Variants in APP observed in about 807,000 individuals in gnomAD.
The protein encoded by APP is amyloid-beta precursor protein.
In APP, 31 loss-of-function variants were observed where a neutral mutation model predicts 101.4. The observed-to-expected ratio is 0.31, with a 90% confidence interval of 0.23 to 0.41. The LOEUF (loss-of-function observed/expected upper bound fraction) is 0.41. Among genes scored for constraint, APP ranks in the 10% least tolerant of loss-of-function variants. The pLI, the probability that APP is intolerant of heterozygous loss-of-function variation, is 1.00. For synonymous variants in APP, 366 were observed against 364.4 expected (o/e 1.00, Z -0.05); for missense variants, 839 against 1,003.7 (o/e 0.84, Z 2.22).
chr21:25,896,442 A>C lies in APP; in HGVS notation c.2064+1131T>G, dbSNP rs193183898. Reference sequence around the variant, plus strand: ...CTCACACACACACACACACAAAACAAAACAAAAGAAGTGCCTGAGATAACT... The same window carrying C: ...CTCACACACACACACACACAAAACACAACAAAAGAAGTGCCTGAGATAACT... On this transcript the variant is annotated intron_variant, in intron 16 of 17. Coordinates refer to ENST00000346798, the MANE Select transcript of APP (RefSeq NM_000484.4). Among the ~76,000 whole-genome samples the C allele has an allele frequency of 7.9e-4, 120 of 152,102 alleles. 4 individuals are homozygous for C. The highest frequency in any genetic ancestry group is 7.8e-3 in the Admixed American group (120 of 15,292).
chr21:26,076,428 G>T (rs1422567982), intron 3 of APP, among the ~76,000 whole-genome samples: 5 of 152,062 alleles, frequency 3.3e-5, no homozygotes, highest in Non-Finnish European at 5.9e-5. Context: ...GACTATTCAG[G>T]GAACATGAGT....
At chr21:26,053,371 C>A (rs1410238160) in intron 3 of APP, 23 bp from the exon 4 acceptor site, 1 of 1,456,362 alleles carries the variant, frequency 6.9e-7, no homozygotes, top group Admixed American at 1.7e-5. Flanking sequence ...AAAACCACTT[C>A]CCGTCATTCC....
At chr21:25,895,039 GAA>G (rs1368865710) in intron 16 of APP, among the ~76,000 whole-genome samples, 2 of 151,644 alleles carry the variant, frequency 1.3e-5, no homozygotes, top group Non-Finnish European at 2.9e-5. Flanking sequence ...AGGACTTGCT[GAA>G]GACTCAGATG....
At chr21:25,990,345 G>A (rs2042811348) in intron 8 of APP, among the ~76,000 whole-genome samples, 1 of 152,140 alleles carries the variant, frequency 6.6e-6, no homozygotes, top group Non-Finnish European at 1.5e-5. Flanking sequence ...ACGAATGCTG[G>A]CATTATTTTT....
intron 14 of APP, among the ~76,000 whole-genome samples, chr21:25,909,187 T>C (rs1486832266): frequency 1.4e-5 from 2 of 140,988 alleles, no homozygotes; most frequent in East Asian, 4.2e-4. Context: ...GGCATGAACC[T>C]GGGAGGCAGA....
chr21:25,969,905 A>AGAGGGGAGGGAGGGGAGGGTAAGGGAGGG, intron 11 of APP, among the ~76,000 whole-genome samples: 1 of 79,442 alleles, frequency 1.3e-5, no homozygotes, highest in Non-Finnish European at 2.3e-5. Flanking sequence ...AGAGAAGAGA[A>AGAGGGGAGGGAGGGGAGGGTAAGGGAGGG]GAGGGGAGGG....
chr21:25,985,641 G>A (rs73163728), intron 8 of APP, among the ~76,000 whole-genome samples: 1 of 152,220 alleles, frequency 6.6e-6, no homozygotes, highest in Non-Finnish European at 1.5e-5. Context: ...CATAATTGTT[G>A]TGTGAGTCAA....
intron 2 of APP, among the ~76,000 whole-genome samples, chr21:26,109,812 A>G (rs953116682): frequency 6.6e-5 from 10 of 152,210 alleles, no homozygotes; most frequent in African/African-American, 2.4e-4. Context: ...GCAAACTATG[A>G]CACATGTATC....
At chr21:26,164,770 C>T (rs529631209) in intron 1 of APP, among the ~76,000 whole-genome samples, 32 of 151,118 alleles carry the variant, frequency 2.1e-4, no homozygotes, top group African/African-American at 7.0e-4. Flanking sequence ...GCAGGAGAAT[C>T]GCTTGAACCC....
Position 25,897,536 on chromosome 21 carries a change from CAA to C in APP, c.2064+35_2064+36del, listed in dbSNP as rs760635626. 6.0e-6 allele frequency: 9 copies of C among 1,492,138 alleles called. No homozygotes were observed. In the South Asian group the frequency reaches 1.0e-4, roughly 17 times the overall value. 92.4% of individuals were successfully genotyped at this position (1,492,138 alleles called of 1,614,324 possible). On this transcript the variant is annotated intron_variant, in intron 16 of 17. Coordinates refer to ENST00000346798, the MANE Select transcript of APP (RefSeq NM_000484.4). ...AGAGTTAATAGGTCATTTGGCAAGA[CAA>C]ACAGTAGTGGAAAGAGGTAAATTAT...
chr21:26,005,392 C>T (rs895369331), intron 6 of APP, among the ~76,000 whole-genome samples: 1 of 151,856 alleles, frequency 6.6e-6, no homozygotes, highest in Non-Finnish European at 1.5e-5. Flanking sequence ...CCAGCCTGGG[C>T]GACAGAGTGA....
At chr21:25,889,551 C>T (rs564427402) in intron 17 of APP, among the ~76,000 whole-genome samples, 2 of 152,262 alleles carry the variant, frequency 1.3e-5, no homozygotes, top group East Asian at 1.9e-4. Flanking sequence ...CTAAAAAGTG[C>T]TCTTGAAGGC....
rs3737413 is a variant in APP at position 25,976,059 on chromosome 21, A to G, written c.1225-31T>C. 341,788 of 1,555,134 alleles carry G rather than the reference A, an allele frequency of 0.22. 41,446 individuals are homozygous for G. Among genetic ancestry groups the G allele is most frequent in the East Asian group, 0.41 (18,474 of 44,524 alleles). Reference sequence around the variant, plus strand: ...AATTAAGGAAACATTTGAATTTAAAATCATCAGTTCATCCTTTGAATACAG... The same window carrying G: ...AATTAAGGAAACATTTGAATTTAAAGTCATCAGTTCATCCTTTGAATACAG... On this transcript the variant is annotated intron_variant, in intron 9 of 17. Coordinates refer to ENST00000346798, the MANE Select transcript of APP (RefSeq NM_000484.4).
At chr21:26,147,798 A>C (rs1288027070) in intron 1 of APP, among the ~76,000 whole-genome samples, 1 of 149,760 alleles carries the variant, frequency 6.7e-6, no homozygotes, top group East Asian at 2.0e-4. Flanking sequence ...ACACCGGGCT[A>C]ATCAGAACAT....
At chr21:26,050,955 A>T in intron 5 of APP, 45 bp downstream of exon 5, 1 of 1,594,668 alleles carries the variant, frequency 6.3e-7, no homozygotes, top group Middle Eastern at 1.8e-4. Flanking sequence ...TACTCCATAC[A>T]AGATGTTTCA....
At chr21:26,001,536 G>T (rs942776047) in intron 6 of APP, among the ~76,000 whole-genome samples, 2 of 152,110 alleles carry the variant, frequency 1.3e-5, no homozygotes, top group African/African-American at 4.8e-5. Context: ...TATGAGACAG[G>T]GTCTTGCACT....
intron 1 of APP, among the ~76,000 whole-genome samples, chr21:26,127,298 C>G (rs2062704893): frequency 6.6e-6 from 1 of 152,082 alleles, no homozygotes; most frequent in African/African-American, 2.4e-5. Context: ...GCAAGCCAGT[C>G]AGAATCTCTC....
chr21:25,938,090 C>G (rs1327210306), intron 13 of APP, among the ~76,000 whole-genome samples: 3 of 152,074 alleles, frequency 2.0e-5, no homozygotes, highest in African/African-American at 7.2e-5. Context: ...ACTGTTTATT[C>G]CCTTTAGATA....
rs2045921475 is a variant in APP at position 26,053,533 on chromosome 21, G to C, written c.356-185C>G. 1.9e-5 allele frequency: 10 copies of C among 530,642 alleles called. No individual in the cohort carries two copies. In the South Asian group the frequency reaches 2.3e-4, roughly 12 times the overall value. 32.9% of individuals were successfully genotyped at this position (530,642 alleles called of 1,614,324 possible). A position where few individuals can be genotyped will look rare whatever the true frequency, so the allele number is the denominator to read the frequency against. Reference sequence around the variant, plus strand: ...GCCTCCTTAAGCAACTCCGTTTCTTGCCACTTCAAGTTTGATGGTTAAAAT... The same window carrying C: ...GCCTCCTTAAGCAACTCCGTTTCTTCCCACTTCAAGTTTGATGGTTAAAAT... On this transcript the variant is annotated intron_variant, in intron 3 of 17. Coordinates refer to ENST00000346798, the MANE Select transcript of APP (RefSeq NM_000484.4).
Sources: allele counts gnomAD v4.1 joint callset (sites outside exome capture counted in the v4.1 genomes callset), GRCh38; gene constraint gnomAD v4.1.1; transcripts MANE v1.5; gene names NCBI Gene and HGNC (gene_info 2026-07-23, HGNC 2026-07-21).